NCALD: variants seen among roughly 807,000 people sequenced by gnomAD.
The protein encoded by NCALD is neurocalcin-delta.
NCALD carries 10 observed loss-of-function variants against 18.6 expected under a neutral mutation model. The ratio of observed to expected loss-of-function variants is 0.54; its 90% CI spans 0.33 to 0.91. The LOEUF is 0.91. Ranked by LOEUF, NCALD falls within the 40% of genes least tolerant of loss-of-function variation. NCALD has a pLI of 0.03. For missense variants in NCALD, 184 were observed against 247.6 expected, an observed-to-expected ratio of 0.74 and a Z score of 1.72; for synonymous variants, 88 against 87.4, an observed-to-expected ratio of 1.01 and a Z score of -0.04.
At chr8:101,714,647 A>T (rs937159315) in intron 2 of NCALD, among the ~76,000 whole-genome samples, 1 of 152,204 alleles carries the variant, frequency 6.6e-6, no homozygotes, top group Admixed American at 6.5e-5. Context: ...AGTACTTTAA[A>T]TTTCATATGA....
intron 1 of NCALD, among the ~76,000 whole-genome samples, chr8:101,735,801 T>C (rs77024899): frequency 0.035 from 5,268 of 152,344 alleles, 118 homozygotes; most frequent in Middle Eastern, 0.088. Context: ...CAGGATTATA[T>C]TGATCTACGC....
At chr8:102,076,136 T>C (rs1824339302) in intron 1 of NCALD, among the ~76,000 whole-genome samples, 1 of 152,036 alleles carries the variant, frequency 6.6e-6, no homozygotes, top group Non-Finnish European at 1.5e-5. Flanking sequence ...ATAAATAGTA[T>C]AAAGACCAAA....
chr8:101,753,544 T>G (rs546562488), intron 1 of NCALD, among the ~76,000 whole-genome samples: 1 of 152,314 alleles, frequency 6.6e-6, no homozygotes, highest in East Asian at 1.9e-4. Flanking sequence ...GAATAGATAT[T>G]GATTAGCGTA....
chr8:101,779,067 C>T (rs1811909219), intron 1 of NCALD, among the ~76,000 whole-genome samples: 1 of 152,018 alleles, frequency 6.6e-6, no homozygotes, highest in African/African-American at 2.4e-5. Flanking sequence ...GAAACAAAGT[C>T]CATAAAATTG....
intron 2 of NCALD, among the ~76,000 whole-genome samples, chr8:101,702,639 T>C (rs1815322578): frequency 6.6e-6 from 1 of 152,214 alleles, no homozygotes; most frequent in Non-Finnish European, 1.5e-5. Context: ...TGCCCTTTTA[T>C]AACTTGAAGA....
chr8:101,896,365 C>G (rs1240064563), intron 3 of NCALD, among the ~76,000 whole-genome samples: 1 of 151,922 alleles, frequency 6.6e-6, no homozygotes, highest in African/African-American at 2.4e-5. Context: ...AAAATCAATT[C>G]AAGATGGATT....
intron 3 of NCALD, among the ~76,000 whole-genome samples, chr8:101,891,080 A>G (rs55754486): frequency 0.024 from 3,652 of 152,244 alleles, 109 homozygotes; most frequent in African/African-American, 0.077. Flanking sequence ...TTCACATATA[A>G]ATAAGCCCAA....
intron 1 of NCALD, among the ~76,000 whole-genome samples, chr8:102,080,001 T>C (rs939697336): frequency 3.3e-5 from 5 of 152,170 alleles, no homozygotes; most frequent in South Asian, 2.1e-4. Flanking sequence ...ATTCAGGCCT[T>C]GTCAAATAAC....
At chr8:101,815,608 C>T (rs1813466027) in intron 4 of NCALD, among the ~76,000 whole-genome samples, 2 of 152,102 alleles carry the variant, frequency 1.3e-5, no homozygotes, top group Non-Finnish European at 2.9e-5. Flanking sequence ...TACTACAACA[C>T]ATCTATTAGA....
chr8:101,895,159 T>A, intron 3 of NCALD, among the ~76,000 whole-genome samples: 1 of 151,162 alleles, frequency 6.6e-6, no homozygotes, highest in Non-Finnish European at 1.5e-5. Context: ...AACAAGCTTA[T>A]CCACCATGAT....
At chr8:101,989,035 T>C (rs1159414327) in intron 2 of NCALD, among the ~76,000 whole-genome samples, 1 of 152,050 alleles carries the variant, frequency 6.6e-6, no homozygotes, top group Non-Finnish European at 1.5e-5. Flanking sequence ...TTTAAGAATG[T>C]CCATTAGATT....
intron 1 of NCALD, chr8:101,745,724 T>C (rs1215591507): frequency 6.6e-6 from 1 of 152,222 alleles, no homozygotes; most frequent in Admixed American, 6.5e-5. Context: ...AGTCCTAATG[T>C]TCACCCTCAC....
At chr8:101,744,398 C>T (rs1810342817) in intron 1 of NCALD, among the ~76,000 whole-genome samples, 1 of 152,242 alleles carries the variant, frequency 6.6e-6, no homozygotes. Flanking sequence ...CAAATCCTTA[C>T]ATGTGCATAA....
At chr8:101,898,888 A>T (rs938399952) in intron 3 of NCALD, among the ~76,000 whole-genome samples, 4 of 152,082 alleles carry the variant, frequency 2.6e-5, no homozygotes, top group Non-Finnish European at 5.9e-5. Flanking sequence ...TATAAATTTT[A>T]GAATAATCTT....
chr8:101,985,738 T>C (rs1014077225), intron 2 of NCALD, among the ~76,000 whole-genome samples: 5 of 152,224 alleles, frequency 3.3e-5, no homozygotes, highest in Non-Finnish European at 5.9e-5. Flanking sequence ...CTCAAACATT[T>C]CGTTTTTCTT....
At chr8:101,789,495 T>G (rs1407938709) in intron 1 of NCALD, among the ~76,000 whole-genome samples, 1 of 152,194 alleles carries the variant, frequency 6.6e-6, no homozygotes, top group Non-Finnish European at 1.5e-5. Flanking sequence ...CACTTATTAC[T>G]GTAGCTAAAT....
intron 2 of NCALD, among the ~76,000 whole-genome samples, chr8:101,713,370 G>A (rs571276952): frequency 1.3e-5 from 2 of 151,908 alleles, no homozygotes; most frequent in South Asian, 4.1e-4. Flanking sequence ...AAAAGAACTA[G>A]AGAAGGAAGA....
chr8:101,996,239 C>T (rs1427057106), intron 2 of NCALD, among the ~76,000 whole-genome samples: 2 of 152,258 alleles, frequency 1.3e-5, no homozygotes, highest in African/African-American at 4.8e-5. Context: ...CCACATCTAA[C>T]AGCCTTGAGA....
chr8:102,024,502 G>A (rs1042446126), intron 1 of NCALD, among the ~76,000 whole-genome samples: 4 of 152,118 alleles, frequency 2.6e-5, no homozygotes, highest in African/African-American at 9.7e-5. Flanking sequence ...GCACTTATCA[G>A]GGGCAAATCA....
Sources: gnomAD v4.1 joint callset for allele counts (sites outside exome capture counted in the v4.1 genomes callset) on GRCh38, gnomAD v4.1.1 for gene constraint, MANE v1.5 for transcripts, NCBI Gene and HGNC (gene_info 2026-07-23, HGNC 2026-07-21) for gene names.